The following BMPR1A variants were observed in gnomAD, a reference collection of about 807,000 sequenced individuals.
BMPR1A encodes bone morphogenetic protein receptor type 1A.
A neutral mutation model predicts 66.0 loss-of-function variants in BMPR1A; 7 were observed. That is an observed-to-expected ratio of 0.11 (90% confidence interval 0.06 to 0.20). The LOEUF (loss-of-function observed/expected upper bound fraction) is 0.20. BMPR1A is among the 10% of genes least tolerant of loss of function. BMPR1A has a pLI of 1.00. For synonymous variants in BMPR1A, 200 were observed against 229.7 expected, an observed-to-expected ratio of 0.87 and a Z score of 1.17; for missense variants, 408 against 669.1, an observed-to-expected ratio of 0.61 and a Z score of 4.31.
upstream of BMPR1A, chr10:86,756,247 C>T (rs1847858191): frequency 6.6e-6 from 1 of 152,158 alleles, no homozygotes; most frequent in African/African-American, 2.4e-5. Flanking sequence ...CGCCGCGTTC[C>T]ATCGCGTGCT....
intron 1 of BMPR1A, among the ~76,000 whole-genome samples, chr10:86,819,757 C>A (rs188141905): frequency 1.4e-4 from 22 of 152,274 alleles, no homozygotes; most frequent in African/African-American, 4.6e-4. Context: ...CTTGGAATTA[C>A]CGGTAGGGTA....
intron 1 of BMPR1A, among the ~76,000 whole-genome samples, chr10:86,768,919 T>G (rs1439068054): frequency 7.4e-6 from 1 of 135,898 alleles, no homozygotes; most frequent in African/African-American, 3.7e-5. Context: ...AGTTCAGTGC[T>G]TAACACTGTG....
At chr10:86,860,864 C>T (rs112665946) in intron 2 of BMPR1A, among the ~76,000 whole-genome samples, 8,581 of 128,642 alleles carry the variant, frequency 0.067, 611 homozygotes, top group African/African-American at 0.19. Context: ...TTTTTTGAGG[C>T]GGAGTCTCGC....
chr10:86,794,812 C>CTA (rs1195253730), intron 1 of BMPR1A, among the ~76,000 whole-genome samples: 1 of 143,104 alleles, frequency 7.0e-6, no homozygotes, highest in Non-Finnish European at 1.5e-5. Flanking sequence ...TCAAATTTAT[C>CTA]TATATCTATA....
At chr10:86,816,306 A>G (rs917321657) in intron 1 of BMPR1A, among the ~76,000 whole-genome samples, 1 of 152,218 alleles carries the variant, frequency 6.6e-6, no homozygotes, top group South Asian at 2.1e-4. Context: ...GTTAAATAAG[A>G]TGTATTGAAA....
At chr10:86,893,603 A>G (rs181846546) in intron 5 of BMPR1A, among the ~76,000 whole-genome samples, 1 of 152,172 alleles carries the variant, frequency 6.6e-6, no homozygotes, top group Non-Finnish European at 1.5e-5. Context: ...TCCGGCTAAC[A>G]TGGTGAAACT....
At position 86,854,689 on chromosome 10, in the gene BMPR1A, G is replaced by A. The variant is rs143126393; in HGVS notation, c.-153+15710G>A. On this transcript the variant is annotated intron_variant, in intron 2 of 12. Transcript: ENST00000372037. The stretch of plus-strand genomic sequence containing the variant: ...TGGAAAAGCTCATTGTCTTTAAGAC[G>A]TATCCCTTCTGAGTCTTGTGATTTG... 2.1e-3 allele frequency: 453 copies of A among 220,884 alleles called. 2 individuals carry two copies. Among genetic ancestry groups the A allele is most frequent in the Middle Eastern group, 0.015 (30 of 2,004 alleles). 13.7% of individuals were successfully genotyped at this position (220,884 alleles called of 1,614,324 possible).
rs11450437 is a variant in BMPR1A, at chr10:86,925,721, C to CT, written c.*2019dup. ...CATAATCTTTAAAATCATTTGTCAT[C>CT]TTTTTTTTTTTTTTTTTGAGACGGA... is the stretch of plus-strand genomic sequence containing the variant. On this transcript the variant is annotated 3_prime_UTR_variant, in exon 13 of 13. Coordinates refer to ENST00000372037, the MANE Select transcript of BMPR1A (RefSeq NM_004329.3). 0.013 allele frequency: 1,556 copies of CT among 117,062 alleles called. 62 individuals carry two copies. The highest frequency in any genetic ancestry group is 0.018 in the Non-Finnish European group (1,147 of 63,274). The allele number at this position is 117,062 out of a possible 1,614,324, so 7.3% of individuals were successfully genotyped here. A position where few individuals can be genotyped will look rare whatever the true frequency, so the allele number is the denominator to read the frequency against.
At chr10:86,865,082 G>GCATTCCCTGTGACTTGCACATA (rs1554885809) in intron 2 of BMPR1A, among the ~76,000 whole-genome samples, 7 of 152,168 alleles carry the variant, frequency 4.6e-5, no homozygotes, top group African/African-American at 1.7e-4. Flanking sequence ...CCGAGCCATC[G>GCATTCCCTGTGACTTGCACATA]TATCCCCTGT....
intron 1 of BMPR1A, among the ~76,000 whole-genome samples, chr10:86,780,887 GT>G (rs71019430): frequency 0.28 from 42,432 of 151,958 alleles, 7,479 homozygotes; most frequent in East Asian, 0.73. Context: ...AATCAGTTTT[GT>G]TTTTTCAATT....
chr10:86,834,330 G>T (rs775122030), intron 1 of BMPR1A, among the ~76,000 whole-genome samples: 14 of 152,116 alleles, frequency 9.2e-5, no homozygotes, highest in Non-Finnish European at 1.6e-4. Context: ...ATGCAACCCA[G>T]TTTTGTATCA....
intron 1 of BMPR1A, among the ~76,000 whole-genome samples, chr10:86,802,027 T>C (rs953608880): frequency 2.0e-5 from 3 of 152,144 alleles, no homozygotes; most frequent in African/African-American, 7.2e-5. Flanking sequence ...GCCTGATTCT[T>C]ATTCTCTTGT....
At chr10:86,807,493 G>C (rs1331931801) in intron 1 of BMPR1A, among the ~76,000 whole-genome samples, 7 of 152,062 alleles carry the variant, frequency 4.6e-5, no homozygotes, top group African/African-American at 1.7e-4. Context: ...CGGTCCTCCT[G>C]CCTCAGCCTC....
intron 3 of BMPR1A, among the ~76,000 whole-genome samples, chr10:86,877,356 C>T (rs1298348236): frequency 6.6e-6 from 1 of 151,918 alleles, no homozygotes; most frequent in Non-Finnish European, 1.5e-5. Flanking sequence ...TACAGGCGCC[C>T]ACCATCACGC....
At chr10:86,815,377 A>G (rs541414744) in intron 1 of BMPR1A, among the ~76,000 whole-genome samples, 1 of 151,656 alleles carries the variant, frequency 6.6e-6, no homozygotes, top group Non-Finnish European at 1.5e-5. Flanking sequence ...TTTCTGTGTG[A>G]GTGAGGCTGT....
intron 1 of BMPR1A, among the ~76,000 whole-genome samples, chr10:86,823,431 A>G (rs546774216): frequency 5.3e-5 from 8 of 152,342 alleles, no homozygotes; most frequent in African/African-American, 1.9e-4. Flanking sequence ...ACAACAGTTA[A>G]GTGGTGGAGC....
chr10:86,897,839 C>G (rs1053116134), intron 5 of BMPR1A, among the ~76,000 whole-genome samples: 7 of 152,162 alleles, frequency 4.6e-5, no homozygotes, highest in Middle Eastern at 3.2e-3. Flanking sequence ...CTCCTCCGCT[C>G]AAGCCATTCT....
At chr10:86,777,944 C>T (rs962362311) in intron 1 of BMPR1A, among the ~76,000 whole-genome samples, 8 of 150,004 alleles carry the variant, frequency 5.3e-5, no homozygotes, top group Non-Finnish European at 8.9e-5. Context: ...ACCCAGGAGG[C>T]AGAGGTTGCA....
intron 1 of BMPR1A, among the ~76,000 whole-genome samples, chr10:86,832,645 A>G (rs762775652): frequency 6.6e-6 from 1 of 152,120 alleles, no homozygotes; most frequent in Non-Finnish European, 1.5e-5. Flanking sequence ...TGCTTTTCCT[A>G]AACATTTATG....
Sources: allele counts gnomAD v4.1 joint callset (sites outside exome capture counted in the v4.1 genomes callset), GRCh38; gene constraint gnomAD v4.1.1; transcripts MANE v1.5; gene names NCBI Gene and HGNC (gene_info 2026-07-23, HGNC 2026-07-21).